Variants in DLGAP2 observed in about 807,000 individuals in gnomAD.
DLGAP2 encodes disks large-associated protein 2.
A neutral mutation model predicts 100.3 loss-of-function variants in DLGAP2; 26 were observed. That is an observed-to-expected ratio of 0.26 (90% CI 0.19 to 0.36). The LOEUF (loss-of-function observed/expected upper bound fraction) is 0.36. DLGAP2 is among the 10% of genes least tolerant of loss of function. The probability of loss-of-function intolerance (pLI) is 1.00; values close to 1 mark genes in which losing one functional copy is unlikely to be tolerated. For synonymous variants in DLGAP2, 886 were observed against 630.1 expected, an observed-to-expected ratio of 1.41 and a Z score of -6.08; for missense variants, 1,858 against 1,453.2, an observed-to-expected ratio of 1.28 and a Z score of -4.53.
intron 2 of DLGAP2, among the ~76,000 whole-genome samples, chr8:1,150,028 T>A (rs1293031802): frequency 6.6e-6 from 1 of 152,238 alleles, no homozygotes; most frequent in African/African-American, 2.4e-5. Flanking sequence ...TTTTGTGTGG[T>A]TGATATTTAG....
chr8:1,632,071 T>A (rs1265397113), intron 7 of DLGAP2, among the ~76,000 whole-genome samples: 1 of 117,398 alleles, frequency 8.5e-6, no homozygotes, highest in African/African-American at 3.4e-5. Context: ...TGGGAGGGGG[T>A]GAGGGGAGAA....
intron 2 of DLGAP2, among the ~76,000 whole-genome samples, chr8:1,073,337 G>A (rs541398589): frequency 6.6e-6 from 1 of 152,132 alleles, no homozygotes; most frequent in East Asian, 1.9e-4. Flanking sequence ...CTAAATTACA[G>A]GGAGCTATAA....
chr8:1,544,049 C>G (rs1801452215), intron 4 of DLGAP2, among the ~76,000 whole-genome samples: 1 of 152,060 alleles, frequency 6.6e-6, no homozygotes, highest in African/African-American at 2.4e-5. Flanking sequence ...ACTACATGTG[C>G]CTACTACTAT....
At chr8:1,204,734 G>A (rs1463793513) in intron 2 of DLGAP2, among the ~76,000 whole-genome samples, 1 of 152,146 alleles carries the variant, frequency 6.6e-6, no homozygotes, top group Non-Finnish European at 1.5e-5. Flanking sequence ...GATGGATGAG[G>A]CAGTAGGAGA....
At chr8:1,619,031 A>AT (rs1797246238) in intron 6 of DLGAP2, among the ~76,000 whole-genome samples, 1 of 152,236 alleles carries the variant, frequency 6.6e-6, no homozygotes, top group Non-Finnish European at 1.5e-5. Context: ...CAAAATCTTT[A>AT]AATTCTGTTC....
intron 2 of DLGAP2, among the ~76,000 whole-genome samples, chr8:987,434 C>G (rs1800520012): frequency 6.6e-6 from 1 of 152,188 alleles, no homozygotes; most frequent in Non-Finnish European, 1.5e-5. Flanking sequence ...GCAGCCCATC[C>G]TGTTTTGAAG....
chr8:1,102,906 A>C (rs1285269182), intron 2 of DLGAP2, among the ~76,000 whole-genome samples: 1 of 148,596 alleles, frequency 6.7e-6, no homozygotes, highest in Non-Finnish European at 1.5e-5. Flanking sequence ...CATGAGTTTC[A>C]GGGGTCTTTG....
chr8:1,202,814 G>A (rs555587576), intron 2 of DLGAP2, among the ~76,000 whole-genome samples: 2 of 152,264 alleles, frequency 1.3e-5, no homozygotes, highest in East Asian at 3.9e-4. Context: ...CACTGAACAC[G>A]CCTGATCAGA....
At chr8:1,476,374 A>G (rs1410193561) in intron 3 of DLGAP2, among the ~76,000 whole-genome samples, 1 of 152,130 alleles carries the variant, frequency 6.6e-6, no homozygotes. Flanking sequence ...ATCACAAAGT[A>G]AATCTATTCC....
At chr8:997,100 T>C (rs970421868) in intron 2 of DLGAP2, among the ~76,000 whole-genome samples, 2 of 152,198 alleles carry the variant, frequency 1.3e-5, no homozygotes, top group African/African-American at 2.4e-5. Flanking sequence ...GTTCATTGTA[T>C]GAAAATTGAG....
chr8:853,011 A>G (rs1038222454), intron 1 of DLGAP2, among the ~76,000 whole-genome samples: 6 of 152,226 alleles, frequency 3.9e-5, no homozygotes, highest in African/African-American at 1.4e-4. Context: ...TTGTAGTGAC[A>G]CATTAAATAG....
chr8:791,018 C>G (rs1257513327), intron 1 of DLGAP2, among the ~76,000 whole-genome samples: 1 of 152,222 alleles, frequency 6.6e-6, no homozygotes, highest in African/African-American at 2.4e-5. Flanking sequence ...GCAGGGATCA[C>G]AGGCATGAGC....
At chr8:1,022,960 A>C (rs1003925323) in intron 2 of DLGAP2, among the ~76,000 whole-genome samples, 1 of 152,240 alleles carries the variant, frequency 6.6e-6, no homozygotes, top group African/African-American at 2.4e-5. Flanking sequence ...AGAGGCTGTC[A>C]TGTGAATGTC....
chr8:1,592,387 G>C (rs1412326935), intron 6 of DLGAP2, among the ~76,000 whole-genome samples: 1 of 151,888 alleles, frequency 6.6e-6, no homozygotes. Flanking sequence ...TTGACGATTG[G>C]CCTGACGTGT....
chr8:862,793 C>T (rs1157364892), intron 1 of DLGAP2, among the ~76,000 whole-genome samples: 1 of 152,102 alleles, frequency 6.6e-6, no homozygotes, highest in African/African-American at 2.4e-5. Context: ...TCCCCAGGGC[C>T]CCAAAGTCTG....
intron 1 of DLGAP2, among the ~76,000 whole-genome samples, chr8:875,453 C>T (rs1401267902): frequency 1.3e-5 from 2 of 152,174 alleles, no homozygotes; most frequent in Non-Finnish European, 2.9e-5. Context: ...AGTAAGTTCT[C>T]ATGAGATCTG....
chr8:1,493,345 C>T (rs1377569103), intron 3 of DLGAP2, among the ~76,000 whole-genome samples: 3 of 151,652 alleles, frequency 2.0e-5, no homozygotes. Flanking sequence ...CTCTGTGGAC[C>T]CAGCGTGTAG....
intron 3 of DLGAP2, among the ~76,000 whole-genome samples, chr8:1,308,723 C>T (rs1287043765): frequency 2.0e-5 from 3 of 152,166 alleles, no homozygotes; most frequent in African/African-American, 7.2e-5. Context: ...TTAGGTTTCC[C>T]CATGTTGGTC....
intron 3 of DLGAP2, among the ~76,000 whole-genome samples, chr8:1,318,176 C>G (rs10091286): frequency 4.6e-4 from 69 of 151,528 alleles, no homozygotes; most frequent in Non-Finnish European, 9.1e-4. Flanking sequence ...TGCAGCGTCT[C>G]TCCAACAGTC....
Sources: allele counts gnomAD v4.1 joint callset (sites outside exome capture counted in the v4.1 genomes callset), GRCh38; gene constraint gnomAD v4.1.1; transcripts MANE v1.5; gene names NCBI Gene and HGNC (gene_info 2026-07-23, HGNC 2026-07-21).